PEX5L: variants seen among roughly 807,000 people sequenced by gnomAD.
PEX5L encodes the protein PEX5-related protein.
PEX5L carries 30 observed loss-of-function variants against 84.0 expected under a neutral mutation model. The observed-to-expected ratio is 0.36, with a 90% CI of 0.27 to 0.48. PEX5L has a LOEUF of 0.48. PEX5L is among the 20% of genes least tolerant of loss of function. The probability of loss-of-function intolerance (pLI) is 0.99; values close to 1 mark genes in which losing one functional copy is unlikely to be tolerated. For synonymous variants in PEX5L, 270 were observed against 283.1 expected (o/e 0.95, Z 0.46); for missense variants, 533 against 754.6 (o/e 0.71, Z 3.44).
intron 8 of PEX5L, among the ~76,000 whole-genome samples, chr3:179,857,093 C>G (rs1046880346): frequency 3.9e-5 from 6 of 152,228 alleles, no homozygotes; most frequent in South Asian, 2.1e-4. Context: ...TAACTTGAAG[C>G]CTTCTAGGAT....
At chr3:179,974,665 C>T (rs1413497634) in intron 1 of PEX5L, among the ~76,000 whole-genome samples, 3 of 152,264 alleles carry the variant, frequency 2.0e-5, no homozygotes, top group Admixed American at 6.5e-5. Flanking sequence ...CTGCAAGAGA[C>T]GTATCTTTGT....
intron 7 of PEX5L, among the ~76,000 whole-genome samples, chr3:179,873,493 C>T (rs1751070878): frequency 6.6e-6 from 1 of 151,992 alleles, no homozygotes; most frequent in Non-Finnish European, 1.5e-5. Context: ...AGATCAAGGC[C>T]TTTAAAAGCG....
At chr3:179,825,050 G>C (rs1232664398) in intron 8 of PEX5L, among the ~76,000 whole-genome samples, 1 of 152,204 alleles carries the variant, frequency 6.6e-6, no homozygotes, top group Non-Finnish European at 1.5e-5. Context: ...GAATTAGTTT[G>C]AGCTCTTAGT....
intron 14 of PEX5L, among the ~76,000 whole-genome samples, chr3:179,805,436 T>C (rs1392931035): frequency 6.6e-6 from 1 of 152,180 alleles, no homozygotes; most frequent in Non-Finnish European, 1.5e-5. Flanking sequence ...GCATAATATT[T>C]GCATATAGCC....
intron 1 of PEX5L, among the ~76,000 whole-genome samples, chr3:179,993,133 T>A (rs758615457): frequency 6.6e-6 from 1 of 151,866 alleles, no homozygotes; most frequent in Non-Finnish European, 1.5e-5. Flanking sequence ...CCAGCAAGAG[T>A]TCACTGTTCA....
intron 2 of PEX5L, among the ~76,000 whole-genome samples, chr3:179,946,731 A>G (rs960486566): frequency 1.3e-5 from 2 of 152,236 alleles, no homozygotes; most frequent in Admixed American, 6.5e-5. Flanking sequence ...ACATTATTCC[A>G]GTGTGCATCT....
chr3:180,010,931 G>A (rs1164003108), intron 1 of PEX5L, among the ~76,000 whole-genome samples: 1 of 152,082 alleles, frequency 6.6e-6, no homozygotes, highest in East Asian at 1.9e-4. Flanking sequence ...ATTTATAAAA[G>A]AGAACTGGCA....
intron 2 of PEX5L, chr3:179,900,786 C>A (rs753533519): frequency 6.4e-5 from 83 of 1,295,694 alleles, no homozygotes; most frequent in Non-Finnish European, 8.7e-5. Context: ...CAACTTTTTT[C>A]TTTACAGCCT....
intron 2 of PEX5L, among the ~76,000 whole-genome samples, chr3:179,970,719 A>C (rs569051319): frequency 2.0e-3 from 303 of 152,280 alleles, no homozygotes; most frequent in African/African-American, 7.0e-3. Flanking sequence ...TTATGATGCA[A>C]AACAAACTGC....
intron 8 of PEX5L, among the ~76,000 whole-genome samples, chr3:179,846,477 C>T (rs891225240): frequency 6.6e-6 from 1 of 152,210 alleles, no homozygotes; most frequent in African/African-American, 2.4e-5. Context: ...AACCTCGTTT[C>T]ATCACCCCCA....
At chr3:179,961,421 G>A (rs1329807990) in intron 2 of PEX5L, among the ~76,000 whole-genome samples, 1 of 152,072 alleles carries the variant, frequency 6.6e-6, no homozygotes, top group Admixed American at 6.6e-5. Flanking sequence ...TATATGCAGT[G>A]TCAGAATAAG....
intron 1 of PEX5L, among the ~76,000 whole-genome samples, chr3:180,010,988 T>C (rs1362884340): frequency 6.6e-6 from 1 of 152,158 alleles, no homozygotes; most frequent in Non-Finnish European, 1.5e-5. Context: ...TGTGTTCAAA[T>C]ACAGGGTCTT....
At chr3:179,881,499 A>T (rs1754152990) in intron 4 of PEX5L, 1 of 152,204 alleles carries the variant, frequency 6.6e-6, no homozygotes, top group Admixed American at 6.5e-5. Context: ...TCATTTGAAA[A>T]TGGGGAATTA....
chr3:179,802,501 C>T (rs552287613), intron 14 of PEX5L, among the ~76,000 whole-genome samples: 12 of 143,308 alleles, frequency 8.4e-5, no homozygotes, highest in Non-Finnish European at 1.5e-4. Context: ...CACCACTGCC[C>T]TCCAGCCTGG....
chr3:179,964,727 T>G (rs1024429387), intron 2 of PEX5L, among the ~76,000 whole-genome samples: 1 of 152,112 alleles, frequency 6.6e-6, no homozygotes, highest in African/African-American at 2.4e-5. Flanking sequence ...ACTAGAGAAA[T>G]GCATACCCAA....
intron 6 of PEX5L, 49 bp from the exon 7 acceptor site, chr3:179,874,472 A>G (rs1751464550): frequency 5.1e-6 from 5 of 976,924 alleles, no homozygotes; most frequent in East Asian, 5.1e-5. Context: ...AAACAAATTA[A>G]GCTATAAATC....
chr3:179,866,894 C>G (rs2108618011), intron 7 of PEX5L, among the ~76,000 whole-genome samples: 3 of 151,734 alleles, frequency 2.0e-5, no homozygotes, highest in Middle Eastern at 3.4e-3. Flanking sequence ...GGCATGGTGG[C>G]TGGTGTCTGT....
chr3:179,864,747 T>C (rs1747514281), intron 7 of PEX5L, among the ~76,000 whole-genome samples: 1 of 152,144 alleles, frequency 6.6e-6, no homozygotes, highest in African/African-American at 2.4e-5. Flanking sequence ...ACTGAGCCAT[T>C]TTACAAAGTA....
At chr3:179,820,042 C>T (rs1727852212) in intron 8 of PEX5L, 66 bp from the exon 9 acceptor site, 1 of 1,605,694 alleles carries the variant, frequency 6.2e-7, no homozygotes, top group Admixed American at 1.7e-5. Context: ...TGTTTTTCTT[C>T]CCCCCCTAAT....
Sources: gnomAD v4.1 joint callset for allele counts (sites outside exome capture counted in the v4.1 genomes callset) on GRCh38, gnomAD v4.1.1 for gene constraint, MANE v1.5 for transcripts, NCBI Gene and HGNC (gene_info 2026-07-23, HGNC 2026-07-21) for gene names.